VKORC1L1: variants seen among roughly 807,000 people sequenced by gnomAD.
VKORC1L1 encodes the protein vitamin K epoxide reductase complex subunit 1-like protein 1.
A neutral mutation model predicts 18.9 loss-of-function variants in VKORC1L1; 2 were observed. That is an observed-to-expected ratio of 0.11 (90% CI 0.04 to 0.33). The LOEUF (loss-of-function observed/expected upper bound fraction) is 0.33, where lower values mean the gene tolerates loss of function less well. VKORC1L1 is among the 10% of genes least tolerant of loss of function. The probability of loss-of-function intolerance (pLI) is 1.00; values close to 1 mark genes in which losing one functional copy is unlikely to be tolerated. For synonymous variants in VKORC1L1, 96 were observed against 100.0 expected, an observed-to-expected ratio of 0.96 and a Z score of 0.24; for missense variants, 123 against 224.1, an observed-to-expected ratio of 0.55 and a Z score of 2.88.
At chr7:65,881,806 A>C (rs1583821918) in intron 1 of VKORC1L1, among the ~76,000 whole-genome samples, 1 of 152,234 alleles carries the variant, frequency 6.6e-6, no homozygotes, top group Admixed American at 6.5e-5. Flanking sequence ...TTGGCCAGGC[A>C]CAGTGGCTCA....
At chr7:65,950,446 T>C (rs1466062315) in intron 2 of VKORC1L1, among the ~76,000 whole-genome samples, 1 of 152,196 alleles carries the variant, frequency 6.6e-6, no homozygotes, top group Non-Finnish European at 1.5e-5. Flanking sequence ...CTCTTCTGAT[T>C]TGGTTCATTA....
At chr7:65,906,477 T>C (rs1789408590) in intron 1 of VKORC1L1, among the ~76,000 whole-genome samples, 1 of 152,192 alleles carries the variant, frequency 6.6e-6, no homozygotes, top group East Asian at 1.9e-4. Flanking sequence ...TAGACATTTT[T>C]GACTTACTGG....
At chr7:65,878,291 C>T (rs1450819499) in intron 1 of VKORC1L1, among the ~76,000 whole-genome samples, 1 of 151,776 alleles carries the variant, frequency 6.6e-6, no homozygotes, top group East Asian at 1.9e-4. Context: ...ACTAAAAATA[C>T]AAAAAATTAG....
At position 65,879,553 on chromosome 7, in the gene VKORC1L1, G is replaced by A. The variant is rs552294422; in HGVS notation, c.194+5988G>A. ...TTTACACATGAGAAAACTGAGCAAC[G>A]CAGACTAACACTTGATCCAGGTAGT... is the stretch of plus-strand genomic sequence containing the variant. On this transcript the variant is annotated intron_variant, in intron 1 of 2. Transcript: ENST00000360768. Among the ~76,000 whole-genome samples, 7 of 152,264 alleles carry A rather than the reference G, an allele frequency of 4.6e-5. No individual in the cohort carries two copies. The South Asian group carries it at 6.2e-4, about 14-fold the overall frequency.
chr7:65,913,191 A>G (rs1160634472), intron 1 of VKORC1L1, among the ~76,000 whole-genome samples: 2 of 152,174 alleles, frequency 1.3e-5, no homozygotes, highest in African/African-American at 2.4e-5. Flanking sequence ...ATTTTTATGA[A>G]ATATATATCA....
chr7:65,928,331 T>G (rs376653846), intron 1 of VKORC1L1, among the ~76,000 whole-genome samples: 3 of 148,864 alleles, frequency 2.0e-5, no homozygotes, highest in East Asian at 4.1e-4. Context: ...GATCAAGAGA[T>G]CCTCTCACCT....
At chr7:65,938,676 T>C (rs1789986355) in intron 1 of VKORC1L1, among the ~76,000 whole-genome samples, 2 of 152,148 alleles carry the variant, frequency 1.3e-5, no homozygotes, top group Non-Finnish European at 2.9e-5. Context: ...TCTTTAAAAA[T>C]GTTGAGGGAT....
intron 1 of VKORC1L1, among the ~76,000 whole-genome samples, chr7:65,900,589 G>A (rs972583931): frequency 1.7e-4 from 26 of 152,054 alleles, no homozygotes; most frequent in African/African-American, 6.3e-4. Context: ...GATCACTTAA[G>A]GCCAGGAGTT....
chr7:65,915,389 C>T (rs1789570869), intron 1 of VKORC1L1, among the ~76,000 whole-genome samples: 1 of 151,422 alleles, frequency 6.6e-6, no homozygotes, highest in East Asian at 1.9e-4. Context: ...CCGCGCCCAG[C>T]CTTTGTGAGC....
intron 1 of VKORC1L1, among the ~76,000 whole-genome samples, chr7:65,928,923 G>A (rs989899971): frequency 7.2e-5 from 11 of 152,128 alleles, no homozygotes; most frequent in Admixed American, 2.0e-4. Flanking sequence ...ATGTTTATTT[G>A]CTCTTCTGGT....
intron 1 of VKORC1L1, among the ~76,000 whole-genome samples, chr7:65,876,998 G>C (rs1788838020): frequency 1.3e-5 from 2 of 152,166 alleles, no homozygotes; most frequent in South Asian, 2.1e-4. Context: ...AGTGAGCCAT[G>C]ATGGTGCCAC....
chr7:65,877,509 G>C (rs1788849865), intron 1 of VKORC1L1, among the ~76,000 whole-genome samples: 2 of 151,948 alleles, frequency 1.3e-5, no homozygotes. Flanking sequence ...CACCATGCCC[G>C]GCTAATTTTT....
intron 1 of VKORC1L1, among the ~76,000 whole-genome samples, chr7:65,911,838 G>A (rs1270638022): frequency 3.3e-5 from 5 of 152,158 alleles, no homozygotes; most frequent in African/African-American, 1.2e-4. Flanking sequence ...TGCTCTGATA[G>A]GCATTTTGCT....
At chr7:65,880,084 G>A (rs1788903224) in intron 1 of VKORC1L1, among the ~76,000 whole-genome samples, 4 of 151,986 alleles carry the variant, frequency 2.6e-5, no homozygotes, top group Non-Finnish European at 4.4e-5. Context: ...CAAACTCCTG[G>A]CCTCAAGCAG....
intron 1 of VKORC1L1, among the ~76,000 whole-genome samples, chr7:65,877,282 C>T (rs1788845712): frequency 6.6e-6 from 1 of 151,782 alleles, no homozygotes; most frequent in Non-Finnish European, 1.5e-5. Context: ...GACTTTATAG[C>T]ATAGTATAAA....
At chr7:65,899,029 C>T (rs559687459) in intron 1 of VKORC1L1, among the ~76,000 whole-genome samples, 1 of 152,244 alleles carries the variant, frequency 6.6e-6, no homozygotes, top group African/African-American at 2.4e-5. Flanking sequence ...TAAAAGAGCA[C>T]TAAAGTAAAA....
At chr7:65,895,708 C>T (rs1789197691) in intron 1 of VKORC1L1, among the ~76,000 whole-genome samples, 1 of 151,030 alleles carries the variant, frequency 6.6e-6, no homozygotes, top group Admixed American at 6.6e-5. Flanking sequence ...TATGTTGAAG[C>T]CAAACCAATT....
intron 1 of VKORC1L1, among the ~76,000 whole-genome samples, chr7:65,940,584 C>T (rs1268332129): frequency 1.3e-5 from 2 of 152,062 alleles, no homozygotes; most frequent in Non-Finnish European, 2.9e-5. Flanking sequence ...CAGAGAGTAG[C>T]CAGCCTGACA....
At chr7:65,905,617 C>A (rs1026972532) in intron 1 of VKORC1L1, among the ~76,000 whole-genome samples, 3 of 152,048 alleles carry the variant, frequency 2.0e-5, no homozygotes, top group Non-Finnish European at 4.4e-5. Flanking sequence ...CCAAATTTGC[C>A]ATTTTAAATA....
Sources: gnomAD v4.1 joint callset for allele counts (sites outside exome capture counted in the v4.1 genomes callset) on GRCh38, gnomAD v4.1.1 for gene constraint, MANE v1.5 for transcripts, NCBI Gene and HGNC (gene_info 2026-07-23, HGNC 2026-07-21) for gene names.